Variants in BCL11A observed in about 807,000 individuals in gnomAD.
BCL11A encodes the protein BCL11 transcription factor A, also known as B cell CLL/lymphoma 11A.
A neutral mutation model predicts 55.9 loss-of-function variants in BCL11A; 2 were observed. The observed-to-expected ratio is 0.04, with a 90% confidence interval of 0.01 to 0.11. The LOEUF (loss-of-function observed/expected upper bound fraction) is 0.11, where lower values mean the gene tolerates loss of function less well. Ranked by LOEUF, BCL11A falls within the 10% of genes least tolerant of loss-of-function variation. BCL11A has a pLI of 1.00. For synonymous variants in BCL11A, 465 were observed against 473.4 expected, an observed-to-expected ratio of 0.98 and a Z score of 0.23; for missense variants, 817 against 1,137.1, an observed-to-expected ratio of 0.72 and a Z score of 4.05.
At chr2:60,468,144 T>C (rs1676995739) in intron 3 of BCL11A, among the ~76,000 whole-genome samples, 4 of 151,334 alleles carry the variant, frequency 2.6e-5, no homozygotes, top group South Asian at 2.1e-4. Context: ...GTGATGGTGG[T>C]GGTGGTGGTG....
intron 2 of BCL11A, chr2:60,526,068 T>C (rs1669190445): frequency 5.9e-5 from 9 of 152,216 alleles, no homozygotes; most frequent in Admixed American, 5.9e-4. Flanking sequence ...GGTTTTTTTC[T>C]AACCACAGTA....
At chr2:60,499,260 C>A (rs1366725707) in intron 2 of BCL11A, among the ~76,000 whole-genome samples, 2 of 152,116 alleles carry the variant, frequency 1.3e-5, no homozygotes, top group Non-Finnish European at 2.9e-5. Flanking sequence ...GCCCTTCCGT[C>A]ACTCCCACAG....
At chr2:60,550,366 G>T (rs1332609864) in intron 1 of BCL11A, among the ~76,000 whole-genome samples, 1 of 152,174 alleles carries the variant, frequency 6.6e-6, no homozygotes, top group Non-Finnish European at 1.5e-5. Flanking sequence ...GGGTGATGGG[G>T]GAGAGAAAGG....
chr2:60,461,568 C>A lies in BCL11A; in HGVS notation c.1344G>T (p.Pro448=). Reference sequence around the variant, plus strand: ...CCACCAAGTCGCTGGTGCCGGGTTCCGGGGAGCTGGCGGTGGAGAGACCGT... The same window carrying A: ...CCACCAAGTCGCTGGTGCCGGGTTCAGGGGAGCTGGCGGTGGAGAGACCGT... The part of the protein sequence containing the change: ...SDDGLSTASS[P]EPGTSDLVGS... The change falls in exon 4 of 4, where the codon CCG becomes CCT. Residue 448 remains proline, a synonymous_variant. Coordinates refer to ENST00000642384, the MANE Select transcript of BCL11A (RefSeq NM_022893.4). 6.2e-7 allele frequency: 1 copy of A among 1,612,086 alleles called. No individual in the cohort carries two copies. The highest frequency in any genetic ancestry group is 8.5e-7 in the Non-Finnish European group (1 of 1,180,034).
intron 2 of BCL11A, among the ~76,000 whole-genome samples, chr2:60,538,859 T>C (rs1669793336): frequency 6.6e-6 from 1 of 151,934 alleles, no homozygotes; most frequent in African/African-American, 2.4e-5. Flanking sequence ...CACATACTTT[T>C]AACGGGAAAA....
chr2:60,487,896 A>G (rs1678374263), intron 2 of BCL11A, among the ~76,000 whole-genome samples: 2 of 152,222 alleles, frequency 1.3e-5, no homozygotes, highest in African/African-American at 4.8e-5. Flanking sequence ...CAAACACAAA[A>G]TGCAAGTACT....
intron 2 of BCL11A, among the ~76,000 whole-genome samples, chr2:60,483,580 C>G (rs1329970691): frequency 6.6e-5 from 10 of 152,252 alleles, no homozygotes; most frequent in Non-Finnish European, 1.3e-4. Context: ...TGTTCAACAA[C>G]TCAGACCCTG....
At chr2:60,477,604 TAAAG>T (rs60443237) in intron 2 of BCL11A, among the ~76,000 whole-genome samples, 3 of 150,510 alleles carry the variant, frequency 2.0e-5, no homozygotes, top group African/African-American at 2.4e-5. Flanking sequence ...GTAAAATAAA[TAAAG>T]AAAGAAAGAA....
chr2:60,545,941 A>C (rs1371788889), intron 2 of BCL11A, 30 bp downstream of exon 2: 2 of 1,589,014 alleles, frequency 1.3e-6, no homozygotes, highest in Admixed American at 3.4e-5. Context: ...GAAAACATGC[A>C]AACAGCTTTT....
chr2:60,533,906 T>A (rs1167681033), intron 2 of BCL11A: 1 of 152,234 alleles, frequency 6.6e-6, no homozygotes, highest in Non-Finnish European at 1.5e-5. Flanking sequence ...AGGGCAGTGC[T>A]AGGTCCCTCG....
chr2:60,451,399 G>T, exon 5 of BCL11A: 1 of 228,158 alleles, frequency 4.4e-6, no homozygotes. Flanking sequence ...TCTCCAAGCA[G>T]TAAAAAATAC....
chr2:60,461,918 A>G lies in BCL11A; in HGVS notation c.994T>C (p.Ser332Pro). The stretch of plus-strand genomic sequence containing the variant: ...TGCATAGGGCTGGGCCGGCCTGGGG[A>G]CAGCGGTGGGCTAGACGTGTTCCCT... ...LAGNTSSPPL[S>P]PGRPSPMQRL... is the part of the protein sequence containing the mutation. The change falls in exon 4 of 4, where the codon TCC (serine) becomes CCC (proline). Residue 332 changes from serine to proline, a missense_variant. Ser to Pro is a moderately conservative substitution (Grantham distance 74, BLOSUM62 -1). Transcript: ENST00000642384. The G allele has an allele frequency of 6.2e-7, 1 of 1,614,134 alleles. No individual in the cohort carries two copies. The highest frequency in any genetic ancestry group is 8.5e-7 in the Non-Finnish European group (1 of 1,180,012).
At chr2:60,484,654 G>A (rs551970878) in intron 2 of BCL11A, among the ~76,000 whole-genome samples, 4 of 151,952 alleles carry the variant, frequency 2.6e-5, no homozygotes, top group South Asian at 2.1e-4. Flanking sequence ...CATGGCTCAC[G>A]TGTTTTTTCT....
chr2:60,476,849 T>C (rs1486528379), intron 2 of BCL11A, among the ~76,000 whole-genome samples: 1 of 152,240 alleles, frequency 6.6e-6, no homozygotes, highest in Non-Finnish European at 1.5e-5. Context: ...ACAATCTTTC[T>C]GTAATGTGAA....
chr2:60,521,069 A>ACG (rs910859167), intron 2 of BCL11A, among the ~76,000 whole-genome samples: 6 of 37,272 alleles, frequency 1.6e-4, no homozygotes, highest in African/African-American at 4.3e-4. Flanking sequence ...AGTGGTCAGC[A>ACG]CACACACACA....
chr2:60,473,678 T>C (rs1211377432), intron 2 of BCL11A, among the ~76,000 whole-genome samples: 2 of 152,234 alleles, frequency 1.3e-5, no homozygotes, highest in Non-Finnish European at 2.9e-5. Context: ...ATGTTTACCA[T>C]AGATACCAGT....
At chr2:60,550,980 G>A (rs979210198) in intron 1 of BCL11A, 187 of 225,218 alleles carry the variant, frequency 8.3e-4, no homozygotes, top group Middle Eastern at 3.9e-3. Context: ...AGGGGGTGGG[G>A]AGAGGGAGGG....
Position 60,457,373 on chromosome 2 carries a change from A to T in BCL11A, c.*3031T>A, listed in dbSNP as rs192239475. On this transcript the variant is annotated 3_prime_UTR_variant, in exon 4 of 4. Coordinates refer to ENST00000642384, the MANE Select transcript of BCL11A (RefSeq NM_022893.4). ...GACCTTTGGTCATCTAAATAAAAAA[A>T]AAAATAAAAACAAAGAAAAATAAAA... 5.1e-5 allele frequency: 52 copies of T among 1,023,960 alleles called. No homozygotes were observed. The East Asian group carries it at 9.3e-4, about 18-fold the overall frequency. The allele number at this position is 1,023,960 out of a possible 1,614,324, so 63.4% of individuals were successfully genotyped here. A position where few individuals can be genotyped will look rare whatever the true frequency, so the allele number is the denominator to read the frequency against.
At chr2:60,487,515 A>T (rs1158759383) in intron 2 of BCL11A, among the ~76,000 whole-genome samples, 1 of 152,270 alleles carries the variant, frequency 6.6e-6, no homozygotes, top group Admixed American at 6.5e-5. Flanking sequence ...TCAACATTAG[A>T]TATTTAAAAA....
Sources: allele counts gnomAD v4.1 joint callset (sites outside exome capture counted in the v4.1 genomes callset), GRCh38; gene constraint gnomAD v4.1.1; transcripts MANE v1.5; gene names NCBI Gene and HGNC (gene_info 2026-07-23, HGNC 2026-07-21).